The following MAPK8IP3 variants were observed in gnomAD, a reference collection of about 807,000 sequenced individuals.
The protein encoded by MAPK8IP3 is C-Jun-amino-terminal kinase-interacting protein 3.
In MAPK8IP3, 49 loss-of-function variants were observed where a neutral mutation model predicts 157.8. The ratio of observed to expected loss-of-function variants is 0.31; its 90% CI spans 0.25 to 0.39. The LOEUF is 0.39. Ranked by LOEUF, MAPK8IP3 falls within the 10% of genes least tolerant of loss-of-function variation. MAPK8IP3 has a pLI of 1.00. For synonymous variants in MAPK8IP3, 897 were observed against 777.7 expected (o/e 1.15, Z -2.55); for missense variants, 1,478 against 1,889.4 (o/e 0.78, Z 4.04).
intron 10 of MAPK8IP3, among the ~76,000 whole-genome samples, chr16:1,759,312 G>T (rs1390924315): frequency 6.6e-6 from 1 of 152,212 alleles, no homozygotes; most frequent in Non-Finnish European, 1.5e-5. Flanking sequence ...AGAGACAGCA[G>T]GCAGGACCCC....
Position 1,751,344 on chromosome 16 carries a change from A to T in MAPK8IP3, c.1216+2624A>T, listed in dbSNP as rs1340720216. 3.3e-5 allele frequency among the ~76,000 whole-genome samples: 5 copies of T among 152,126 alleles called. No homozygotes were observed. The highest frequency in any genetic ancestry group is 4.8e-5 in the African/African-American group (2 of 41,434). On this transcript the variant is annotated intron_variant, in intron 8 of 31. Coordinates refer to ENST00000610761, the MANE Select transcript of MAPK8IP3 (RefSeq NM_001318852.2). The surrounding 1 kb of genome is among the most constrained non-coding windows in gnomAD (Gnocchi z 5.0). ...CCTGGTGGCGGGCACCTGTAATCCC[A>T]GCTACTCGGGAGACTGAGGCAGAAG... is the stretch of plus-strand genomic sequence containing the variant.
chr16:1,710,036 T>C lies in MAPK8IP3; in HGVS notation c.318+3379T>C, dbSNP rs2037666506. Among the ~76,000 whole-genome samples the C allele has an allele frequency of 6.6e-6, 1 of 152,170 alleles. No homozygotes were observed. Among genetic ancestry groups the C allele is most frequent in the African/African-American group, 2.4e-5 (1 of 41,440 alleles). Reference sequence around the variant, plus strand: ...GAAAGGATGCAAGGGAAGACAGTTTTATCCAAAACTTATTTTTTCCGAGTT... The same window carrying C: ...GAAAGGATGCAAGGGAAGACAGTTTCATCCAAAACTTATTTTTTCCGAGTT... On this transcript the variant is annotated intron_variant, in intron 1 of 31. Transcript: ENST00000610761. The surrounding 1 kb of genome is among the most constrained non-coding windows in gnomAD (Gnocchi z 4.1).
intron 1 of MAPK8IP3, among the ~76,000 whole-genome samples, chr16:1,718,490 C>T (rs2038303537): frequency 6.6e-6 from 1 of 151,366 alleles, no homozygotes; most frequent in South Asian, 2.1e-4. Context: ...GGCTAATGAT[C>T]TTTAAATAAA....
intron 4 of MAPK8IP3, among the ~76,000 whole-genome samples, chr16:1,736,137 T>A (rs538122409): frequency 8.9e-5 from 12 of 134,092 alleles, no homozygotes; most frequent in Middle Eastern, 4.3e-3. Context: ...TGACCATCCA[T>A]GTGAGCATCT....
intron 1 of MAPK8IP3, among the ~76,000 whole-genome samples, chr16:1,720,551 C>G (rs1189717253): frequency 6.6e-6 from 1 of 152,140 alleles, no homozygotes; most frequent in Non-Finnish European, 1.5e-5. Context: ...GATCGTACAT[C>G]TGCTCTACAC....
Position 1,766,640 on chromosome 16 carries a change from G to C in MAPK8IP3, c.2931G>C (p.Gln977His), listed in dbSNP as rs2042278688. ...SAAPTMWLGA[Q>H]NGWLYVHSAV... is the part of the protein sequence containing the mutation. ...CACCCACCATGTGGCTGGGAGCCCA[G>C]AACGGCTGGTAGGAAGGGCCCGGGG... is the stretch of plus-strand genomic sequence containing the variant. The change falls in exon 23 of 32, where the codon CAG (glutamine) becomes CAC (histidine). Residue 977 changes from glutamine to histidine, a missense_variant. By Grantham distance (24) the Gln-to-His change is conservative. Around this residue, in one of 11 missense-constraint regions of MAPK8IP3, gnomAD observed 669 missense variants for 759.8 expected, o/e 0.88. Coordinates refer to ENST00000610761, the MANE Select transcript of MAPK8IP3 (RefSeq NM_001318852.2). 6.2e-7 allele frequency: 1 copy of C among 1,612,248 alleles called. No homozygotes were observed. Among genetic ancestry groups the C allele is most frequent in the South Asian group, 1.1e-5 (1 of 91,080 alleles).
chr16:1,731,322 T>C (rs886265961), intron 4 of MAPK8IP3, among the ~76,000 whole-genome samples: 2 of 152,258 alleles, frequency 1.3e-5, no homozygotes, highest in Non-Finnish European at 2.9e-5. Flanking sequence ...AGTGAGAGCC[T>C]GTCTCAAAAA....
In MAPK8IP3 at chr16:1,724,153, C is replaced by A. The variant is rs1215551688; in HGVS notation, c.319-404C>A. Among the ~76,000 whole-genome samples the A allele has an allele frequency of 1.3e-5, 2 of 152,196 alleles. No homozygotes were observed. The highest frequency in any genetic ancestry group is 1.3e-4 in the Admixed American group (2 of 15,280). On this transcript the variant is annotated intron_variant, in intron 1 of 31. Transcript: ENST00000610761. The surrounding 1 kb of genome is among the most constrained non-coding windows in gnomAD (Gnocchi z 4.1). Reference sequence around the variant, plus strand: ...AAATGGAAACACAGGGCTCTATGTTCAAAAATTAGCAACATTTCAAGATGG... The same window carrying A: ...AAATGGAAACACAGGGCTCTATGTTAAAAAATTAGCAACATTTCAAGATGG...
rs887533682 is a variant in MAPK8IP3, at chr16:1,741,441, C to T, written c.603-1891C>T. Among the ~76,000 whole-genome samples the T allele has an allele frequency of 2.6e-5, 4 of 152,100 alleles. No homozygotes were observed. Among genetic ancestry groups the T allele is most frequent in the African/African-American group, 2.4e-5 (1 of 41,404 alleles). On this transcript the variant is annotated intron_variant, in intron 4 of 31. Transcript: ENST00000610761. The surrounding 1 kb of genome is among the most constrained non-coding windows in gnomAD (Gnocchi z 6.9). The stretch of plus-strand genomic sequence containing the variant: ...CATGGAGCTGTGTGGGTGGGAGAGC[C>T]GTACATGCATTCCCTTGGCCTCCTG...
At position 1,743,462 on chromosome 16, in the gene MAPK8IP3, A is replaced by G; in HGVS notation, c.733A>G (p.Ser245Gly). 2 of 1,609,838 alleles carry G rather than the reference A, an allele frequency of 1.2e-6. No individual in the cohort carries two copies. Among genetic ancestry groups the G allele is most frequent in the Non-Finnish European group, 1.7e-6 (2 of 1,178,892 alleles). ...HLSDLGQLQS[S>G]SSYQCPQDEM... ...GAGTGACCTCGGCCAGCTGCAGTCCAGCTCCAGCTACCAGGTTTTGTAGCC... is the reference window on the plus strand; with the variant it reads ...GAGTGACCTCGGCCAGCTGCAGTCCGGCTCCAGCTACCAGGTTTTGTAGCC... The change falls in exon 5 of 32, where the codon AGC becomes GGC. Residue 245 changes from serine (S) to glycine (G), a missense_variant. Ser to Gly is a moderately conservative substitution (Grantham distance 56). Transcript: ENST00000610761. This position sits in a 1 kb window ranked among gnomAD's most constrained non-coding sequence, Gnocchi z 5.6.
At chr16:1,737,881 T>C (rs1380144644) in intron 4 of MAPK8IP3, among the ~76,000 whole-genome samples, 2 of 75,162 alleles carry the variant, frequency 2.7e-5, no homozygotes, top group African/African-American at 1.1e-4. Flanking sequence ...TGACCGTCCG[T>C]GTGAGCATCC....
At chr16:1,723,084 T>A (rs917164286) in intron 1 of MAPK8IP3, among the ~76,000 whole-genome samples, 1 of 151,620 alleles carries the variant, frequency 6.6e-6, no homozygotes, top group Non-Finnish European at 1.5e-5. Flanking sequence ...CAGGCTGGAG[T>A]ACAGTGGTGG....
Position 1,762,713 on chromosome 16 carries a change from A to C in MAPK8IP3, c.1709A>C (p.Lys570Thr). The C allele has an allele frequency of 1.9e-6, 3 of 1,573,812 alleles. No homozygotes were observed. The highest frequency in any genetic ancestry group is 2.6e-6 in the Non-Finnish European group (3 of 1,157,942). The stretch of plus-strand genomic sequence containing the variant: ...CACCCATCCGTCCAGGAGAAGAAGA[A>C]GTCGACCATCTGGCAGTTGTAAGCT... ...REHPSVQEKK[K>T]STIWQFFSRL... The change falls in exon 15 of 32, where the codon AAG becomes ACG. Residue 570 changes from lysine to threonine, a missense_variant. By Grantham distance (78) the Lys-to-Thr change is moderately conservative. This residue lies in a region of MAPK8IP3 where 669 missense variants were observed against 759.8 expected (regional missense o/e 0.88). Coordinates refer to ENST00000610761, the MANE Select transcript of MAPK8IP3 (RefSeq NM_001318852.2).
chr16:1,755,651 A>ATC (rs1411930148), intron 8 of MAPK8IP3, among the ~76,000 whole-genome samples: 1 of 152,122 alleles, frequency 6.6e-6, no homozygotes, highest in Non-Finnish European at 1.5e-5. Flanking sequence ...GATCGAGACC[A>ATC]TCTTGGCCAA....
intron 2 of MAPK8IP3, among the ~76,000 whole-genome samples, chr16:1,728,127 C>T (rs142134295): frequency 7.9e-5 from 12 of 152,316 alleles, no homozygotes; most frequent in East Asian, 1.9e-4. Context: ...GCACCATTGG[C>T]GGGACATAGA....
At chr16:1,739,169 ACCAT>A (rs1475192103) in intron 4 of MAPK8IP3, among the ~76,000 whole-genome samples, 15 of 115,112 alleles carry the variant, frequency 1.3e-4, no homozygotes, top group Admixed American at 9.3e-4. Context: ...TGTGAGTGTG[ACCAT>A]CCATGTGAGC....
At chr16:1,746,083 A>C (rs1240641100) in intron 5 of MAPK8IP3, 1 of 152,018 alleles carries the variant, frequency 6.6e-6, no homozygotes, top group African/African-American at 2.4e-5. Flanking sequence ...ACGGGAACCC[A>C]CCCAGCGGCT....
chr16:1,729,609 C>T (rs1776877413), intron 4 of MAPK8IP3, 31 bp downstream of exon 4: 3 of 1,543,194 alleles, frequency 1.9e-6, no homozygotes, highest in Middle Eastern at 1.9e-4. Flanking sequence ...TGGAGGTACG[C>T]GGGGCGCGGC....
intron 29 of MAPK8IP3, 36 bp from the exon 30 acceptor site, chr16:1,768,163 A>G: frequency 1.2e-6 from 2 of 1,611,988 alleles, no homozygotes; most frequent in Non-Finnish European, 1.7e-6. Flanking sequence ...CTCCACCTGT[A>G]TGCGGGCTCA....
Sources: allele counts gnomAD v4.1 joint callset (sites outside exome capture counted in the v4.1 genomes callset), GRCh38; gene constraint gnomAD v4.1.1; regional missense constraint gnomAD v4.1.1; non-coding constraint Gnocchi (gnomAD v3.1); transcripts MANE v1.5; gene names NCBI Gene and HGNC (gene_info 2026-07-23, HGNC 2026-07-21).